SHISA9: variants seen among roughly 807,000 people sequenced by gnomAD.
SHISA9 encodes shisa family member 9.
A neutral mutation model predicts 38.0 loss-of-function variants in SHISA9; 13 were observed. The observed-to-expected ratio is 0.34, with a 90% confidence interval of 0.22 to 0.54. SHISA9 has a LOEUF of 0.54. Ranked by LOEUF, SHISA9 falls within the 20% of genes least tolerant of loss-of-function variation. The pLI is 0.91. For missense variants in SHISA9, 538 were observed against 575.8 expected (o/e 0.93, Z 0.67); for synonymous variants, 275 against 242.0 (o/e 1.14, Z -1.27).
chr16:12,944,607 G>C (rs2071665432), intron 2 of SHISA9, among the ~76,000 whole-genome samples: 1 of 152,166 alleles, frequency 6.6e-6, no homozygotes, highest in South Asian at 2.1e-4. Flanking sequence ...AGGTTTGAAG[G>C]ACTTTGGGAA....
At chr16:13,007,384 A>G (rs1189168874) in intron 2 of SHISA9, among the ~76,000 whole-genome samples, 2 of 152,030 alleles carry the variant, frequency 1.3e-5, no homozygotes, top group African/African-American at 4.8e-5. Flanking sequence ...TGAAGTTTCC[A>G]TATATCACAC....
At chr16:13,302,297 C>T in the SHISA9 span, among the ~76,000 whole-genome samples, 1 of 152,170 alleles carries the variant, frequency 6.6e-6, no homozygotes, top group South Asian at 2.1e-4. Context: ...GTATGTGTGC[C>T]TGTGAGTGCA....
intron 2 of SHISA9, among the ~76,000 whole-genome samples, chr16:13,045,455 T>C (rs2073176013): frequency 6.6e-6 from 1 of 152,172 alleles, no homozygotes. Context: ...GGCTAAGTAG[T>C]ACAGATAGGT....
At chr16:13,147,461 CTTTT>C (rs55972023) in intron 2 of SHISA9, among the ~76,000 whole-genome samples, 2 of 65,082 alleles carry the variant, frequency 3.1e-5, no homozygotes, top group African/African-American at 5.5e-5. Flanking sequence ...GTAAACTGAG[CTTTT>C]TTTTTTTTTT....
chr16:13,429,979 G>T, the SHISA9 span, among the ~76,000 whole-genome samples: 1 of 152,118 alleles, frequency 6.6e-6, no homozygotes, highest in Non-Finnish European at 1.5e-5. Context: ...GGTTAAATGG[G>T]ATCCTTAATG....
the SHISA9 span, among the ~76,000 whole-genome samples, chr16:13,431,173 A>C: frequency 1.3e-5 from 2 of 152,006 alleles, no homozygotes; most frequent in South Asian, 4.2e-4. Context: ...CTTGAATTTG[A>C]CCTCCCCTCA....
the SHISA9 span, among the ~76,000 whole-genome samples, chr16:13,559,634 C>A: frequency 1.3e-5 from 2 of 152,126 alleles, no homozygotes; most frequent in African/African-American, 4.8e-5. Flanking sequence ...CCTCCCACCT[C>A]GGCCTCCCAA....
chr16:13,032,281 T>G (rs2073001249), intron 2 of SHISA9, among the ~76,000 whole-genome samples: 1 of 152,168 alleles, frequency 6.6e-6, no homozygotes, highest in African/African-American at 2.4e-5. Context: ...GGTGTTTGGT[T>G]TTCTGTTCCT....
intron 2 of SHISA9, among the ~76,000 whole-genome samples, chr16:13,072,862 T>C (rs1426996121): frequency 6.6e-6 from 1 of 152,144 alleles, no homozygotes; most frequent in African/African-American, 2.4e-5. Flanking sequence ...GGTTTTACCA[T>C]GTTGGCCAGG....
chr16:13,255,467 G>C, the SHISA9 span, among the ~76,000 whole-genome samples: 1 of 152,000 alleles, frequency 6.6e-6, no homozygotes, highest in African/African-American at 2.4e-5. Context: ...TCTATCTTTA[G>C]GTCAGTTCAC....
At chr16:13,551,055 C>T in the SHISA9 span, among the ~76,000 whole-genome samples, 31 of 150,446 alleles carry the variant, frequency 2.1e-4, no homozygotes, top group Non-Finnish European at 3.7e-4. Context: ...ACCTGGGAGG[C>T]GGAGGTTGCA....
chr16:12,994,208 TG>T, intron 2 of SHISA9, among the ~76,000 whole-genome samples: 1 of 152,178 alleles, frequency 6.6e-6, no homozygotes, highest in Non-Finnish European at 1.5e-5. Context: ...GGATAGTCGT[TG>T]GAAGGCTGTT....
the SHISA9 span, among the ~76,000 whole-genome samples, chr16:13,493,220 C>G: frequency 7.3e-6 from 1 of 136,172 alleles, no homozygotes; most frequent in African/African-American, 2.6e-5. Context: ...TGACACTCAT[C>G]ATCAGTTGGA....
At position 12,933,843 on chromosome 16, in the gene SHISA9, G is replaced by C. The variant is rs115547728; in HGVS notation, c.691+17028G>C. Among the ~76,000 whole-genome samples the C allele has an allele frequency of 5.2e-3, 793 of 152,246 alleles. 7 individuals are homozygous for C. The highest frequency in any genetic ancestry group is 0.019 in the African/African-American group (769 of 41,534). ...ACAAGCCAGGGTTCTGACCACGGGA[G>C]CCTATGTTATAGTGGGGGAAGACTG... is the stretch of plus-strand genomic sequence containing the variant. On this transcript the variant is annotated intron_variant, in intron 2 of 4. Transcript: ENST00000558583.
Position 13,235,200 on chromosome 16 carries a change from C to T in SHISA9, c.1066C>T (p.Pro356Ser), listed in dbSNP as rs1447242184. Residue 356 changes from proline to serine, a missense_variant, in exon 5 of 5, where the codon CCC becomes TCC. Physicochemically the swap from Pro to Ser is moderately conservative, Grantham distance 74 (BLOSUM62 -1). Around this residue, in one of 4 missense-constraint regions of SHISA9, gnomAD observed 326 missense variants for 305.9 expected, o/e 1.07. Coordinates refer to ENST00000558583, the MANE Select transcript of SHISA9 (RefSeq NM_001145204.3). ...ACAGAAGTCCCGCACCAACAAGATG[C>T]CCCCACATCCCCTGGCCTACACCTC... ...NGQKSRTNKMPPHPLAYTSTT... is the reference protein window; with the variant it reads ...NGQKSRTNKMSPHPLAYTSTT... The T allele has an allele frequency of 2.6e-6, 4 of 1,551,620 alleles. No homozygotes were observed. The East Asian group carries it at 9.8e-5, about 38-fold the overall frequency.
the SHISA9 span, among the ~76,000 whole-genome samples, chr16:13,485,838 T>A: frequency 1.3e-5 from 2 of 152,346 alleles, no homozygotes; most frequent in Middle Eastern, 6.8e-3. Flanking sequence ...CTACTCTCTA[T>A]CTCTATGAGA....
chr16:13,084,167 C>T (rs276641), intron 2 of SHISA9, among the ~76,000 whole-genome samples: 4 of 152,120 alleles, frequency 2.6e-5, no homozygotes, highest in Admixed American at 2.6e-4. Context: ...AAACAAGGAA[C>T]CTGAGGGCCA....
intron 2 of SHISA9, among the ~76,000 whole-genome samples, chr16:13,046,752 G>A (rs1052081075): frequency 4.6e-5 from 7 of 152,108 alleles, no homozygotes; most frequent in African/African-American, 9.7e-5. Context: ...CATTATGAAC[G>A]TCTTTCAGTT....
At chr16:13,324,775 G>A in the SHISA9 span, among the ~76,000 whole-genome samples, 20 of 152,176 alleles carry the variant, frequency 1.3e-4, no homozygotes, top group African/African-American at 4.3e-4. Context: ...TGTGCCTGAA[G>A]TGATTGTATT....
Sources: allele counts gnomAD v4.1 joint callset (sites outside exome capture counted in the v4.1 genomes callset), GRCh38; gene constraint gnomAD v4.1.1; regional missense constraint gnomAD v4.1.1; transcripts MANE v1.5; gene names NCBI Gene and HGNC (gene_info 2026-07-23, HGNC 2026-07-21).